The following PLEKHH2 variants were observed in gnomAD, a reference collection of about 807,000 sequenced individuals.
The protein encoded by PLEKHH2 is pleckstrin homology domain-containing family H member 2.
In PLEKHH2, 129 loss-of-function variants were observed where a neutral mutation model predicts 187.9. The observed-to-expected ratio is 0.69, with a 90% CI of 0.59 to 0.79. The LOEUF is 0.79. Among genes scored for constraint, PLEKHH2 ranks in the 30% least tolerant of loss-of-function variants. The pLI, the probability that PLEKHH2 is intolerant of heterozygous loss-of-function variation, is 0.00. For missense variants in PLEKHH2, 2,076 were observed against 1,751.2 expected, an observed-to-expected ratio of 1.19 and a Z score of -3.31; for synonymous variants, 686 against 605.6, an observed-to-expected ratio of 1.13 and a Z score of -1.95.
intron 15 of PLEKHH2, among the ~76,000 whole-genome samples, chr2:43,718,153 A>T (rs6748277): frequency 0.62 from 93,786 of 152,098 alleles, 30,369 homozygotes; most frequent in African/African-American, 0.8. Flanking sequence ...TTTTAATTAG[A>T]TCACCTTGAG....
In PLEKHH2 at chr2:43,706,355, G is replaced by A. The variant is rs370779910; in HGVS notation, c.1760G>A (p.Gly587Glu). 7.0e-5 allele frequency: 112 copies of A among 1,609,836 alleles called. No homozygotes were observed. The highest frequency in any genetic ancestry group is 1.3e-4 in the Admixed American group (8 of 59,972). ...GCAACCCTTTCCTATACTACATCAG[G>A]ACTTTATACATCTCTGATATACAAG... Reference protein sequence around the residue: ...SAATLSYTTSGLYTSLIYKNM... With the variant: ...SAATLSYTTSELYTSLIYKNM... The change falls in exon 10 of 30, where the codon GGA (glycine) becomes GAA (glutamate). Residue 587 changes from glycine (G) to glutamate (E), a missense_variant. Transcript: ENST00000282406.
intron 3 of PLEKHH2, among the ~76,000 whole-genome samples, chr2:43,681,863 C>A (rs1046078495): frequency 6.6e-6 from 1 of 152,114 alleles, no homozygotes; most frequent in African/African-American, 2.4e-5. Context: ...AGAGTAAGTG[C>A]CTAATAGATT....
chr2:43,645,761 G>A (rs1666153425), intron 2 of PLEKHH2, among the ~76,000 whole-genome samples: 1 of 151,944 alleles, frequency 6.6e-6, no homozygotes, highest in Non-Finnish European at 1.5e-5. Context: ...CACACCTGTG[G>A]CTCATATTAT....
Position 43,762,169 on chromosome 2 carries a change from T to G in PLEKHH2, c.4072-135T>G, listed in dbSNP as rs766789264. 7.6e-4 allele frequency: 503 copies of G among 661,364 alleles called. 1 individual carries two copies. Among genetic ancestry groups the G allele is most frequent in the Non-Finnish European group, 8.1e-4 (319 of 392,508 alleles). 41.0% of individuals were successfully genotyped at this position (661,364 alleles called of 1,614,324 possible). A position where few individuals can be genotyped will look rare whatever the true frequency, so the allele number is the denominator to read the frequency against. On this transcript the variant is annotated intron_variant, in intron 27 of 29. Coordinates refer to ENST00000282406, the MANE Select transcript of PLEKHH2 (RefSeq NM_172069.4). ...CCGGTATACCACCCTGCCTCTTTCC[T>G]AGGCGAGATTTTTAATAAATTTTTG...
In PLEKHH2 at chr2:43,637,279, G is replaced by C. The variant is rs376415806; in HGVS notation, c.-104G>C. 3.3e-5 allele frequency: 5 copies of C among 152,460 alleles called. No homozygotes were observed. The highest frequency in any genetic ancestry group is 1.9e-4 in the East Asian group (1 of 5,188). The allele number at this position is 152,460 out of a possible 1,614,324, so 9.4% of individuals were successfully genotyped here. A position where few individuals can be genotyped will look rare whatever the true frequency, so the allele number is the denominator to read the frequency against. On this transcript the variant is annotated 5_prime_UTR_variant, in exon 1 of 30. Coordinates refer to ENST00000282406, the MANE Select transcript of PLEKHH2 (RefSeq NM_172069.4). The stretch of plus-strand genomic sequence containing the variant: ...GCCCTTCCCCGCCCTCTCCGAGCTC[G>C]GCTTGAGGCGGGCGCGGGCTGAGAG...
intron 24 of PLEKHH2, among the ~76,000 whole-genome samples, chr2:43,747,997 A>G (rs1307721471): frequency 6.6e-6 from 1 of 152,232 alleles, no homozygotes; most frequent in African/African-American, 2.4e-5. Flanking sequence ...ATTCTTTGTC[A>G]ATGTTTTTGT....
intron 2 of PLEKHH2, among the ~76,000 whole-genome samples, chr2:43,676,576 G>A (rs1386718927): frequency 2.6e-5 from 4 of 151,990 alleles, no homozygotes; most frequent in Admixed American, 2.0e-4. Context: ...CAGCAATAAA[G>A]TTGAAAATGA....
chr2:43,691,619 C>T (rs554300807), intron 3 of PLEKHH2, among the ~76,000 whole-genome samples: 354 of 152,292 alleles, frequency 2.3e-3, no homozygotes, highest in Non-Finnish European at 2.0e-3. Context: ...CCCCATCTGC[C>T]TAGGCATTTG....
intron 26 of PLEKHH2, among the ~76,000 whole-genome samples, chr2:43,758,132 A>G (rs909080385): frequency 6.6e-6 from 1 of 152,240 alleles, no homozygotes; most frequent in Non-Finnish European, 1.5e-5. Flanking sequence ...TCTATGTAGA[A>G]TAAGTGCTTG....
intron 2 of PLEKHH2, among the ~76,000 whole-genome samples, chr2:43,655,407 C>A (rs1306549498): frequency 1.3e-5 from 2 of 152,108 alleles, no homozygotes; most frequent in East Asian, 3.8e-4. Flanking sequence ...GAAAGTCTTA[C>A]AATAGCTGGG....
intron 4 of PLEKHH2, among the ~76,000 whole-genome samples, chr2:43,693,849 AT>A (rs1369050823): frequency 2.0e-5 from 3 of 151,512 alleles, no homozygotes; most frequent in African/African-American, 4.9e-5. Context: ...TATTTTCAGC[AT>A]TTTTTCCCCA....
At position 43,686,665 on chromosome 2, in the gene PLEKHH2, C is replaced by G. The variant is rs1668528106; in HGVS notation, c.187-5849C>G. On this transcript the variant is annotated intron_variant, in intron 3 of 29. Transcript: ENST00000282406. ...CTTTTCAACTTCTGCAAGAAGAATC[C>G]TACTTTATAATCATGGAGTACTATG... 2.0e-5 allele frequency among the ~76,000 whole-genome samples: 3 copies of G among 152,120 alleles called. No individual in the cohort carries two copies. The South Asian group carries it at 6.2e-4, about 32-fold the overall frequency.
In PLEKHH2 at chr2:43,765,507, C is replaced by G. The variant is rs766682241; in HGVS notation, c.4391C>G (p.Ser1464Ter). 5 of 1,614,166 alleles carry G rather than the reference C, an allele frequency of 3.1e-6. No individual in the cohort carries two copies. The Admixed American group carries it at 8.3e-5, about 27-fold the overall frequency. The change falls in exon 30 of 30, where the codon TCA (serine) becomes TGA (stop). Residue 1464 changes from serine (S) to a stop codon, truncating the protein, a stop_gained. Coordinates refer to ENST00000282406, the MANE Select transcript of PLEKHH2 (RefSeq NM_172069.4). LOFTEE classifies it high-confidence loss of function. Reference sequence around the variant, plus strand: ...CACCTCTCTGCTCCAGCACTGCTCTCAGCCCAGACCCGGGGACCCCAAGCC... The same window carrying G: ...CACCTCTCTGCTCCAGCACTGCTCTGAGCCCAGACCCGGGGACCCCAAGCC... ...FHHLSAPALL[S>*]AQTRGPQARM... is the part of the protein sequence containing the mutation.
chr2:43,738,654 G>C, intron 20 of PLEKHH2, 134 bp downstream of exon 20: 1 of 812,144 alleles, frequency 1.2e-6, no homozygotes, highest in Non-Finnish European at 1.8e-6. Context: ...TTAATATTTT[G>C]ATGTCTACCT....
At chr2:43,753,943 G>A (rs1473724541) in intron 25 of PLEKHH2, among the ~76,000 whole-genome samples, 183 bp downstream of exon 25, 1 of 152,088 alleles carries the variant, frequency 6.6e-6, no homozygotes, top group Non-Finnish European at 1.5e-5. Context: ...TTGCAATGAT[G>A]TAGAATGAGA....
intron 2 of PLEKHH2, among the ~76,000 whole-genome samples, chr2:43,647,720 C>G (rs964774403): frequency 5.3e-5 from 8 of 152,138 alleles, no homozygotes; most frequent in African/African-American, 1.9e-4. Flanking sequence ...CACCAGTCAG[C>G]CCCAGGGCTT....
intron 2 of PLEKHH2, among the ~76,000 whole-genome samples, chr2:43,659,880 T>A (rs13424263): frequency 0.017 from 2,550 of 152,226 alleles, 63 homozygotes; most frequent in African/African-American, 0.059. Context: ...TTTTAAAAAT[T>A]TTTTTTGGTC....
At chr2:43,689,521 G>A (rs1265281330) in intron 3 of PLEKHH2, among the ~76,000 whole-genome samples, 1 of 152,192 alleles carries the variant, frequency 6.6e-6, no homozygotes, top group African/African-American at 2.4e-5. Flanking sequence ...GTTGTGGTGA[G>A]ATGTTTTAAA....
chr2:43,732,295 G>A (rs895512492), intron 19 of PLEKHH2, among the ~76,000 whole-genome samples: 2 of 152,010 alleles, frequency 1.3e-5, no homozygotes, highest in African/African-American at 4.8e-5. Flanking sequence ...CCCAGGAGAT[G>A]GAGGTTGCAG....
Sources: gnomAD v4.1 joint callset for allele counts (sites outside exome capture counted in the v4.1 genomes callset) on GRCh38, gnomAD v4.1.1 for gene constraint, MANE v1.5 for transcripts, NCBI Gene and HGNC (gene_info 2026-07-23, HGNC 2026-07-21) for gene names.